Variants in GABRG1 observed in about 807,000 individuals in gnomAD.
GABRG1 encodes gamma-aminobutyric acid receptor subunit gamma-1.
In GABRG1, 49 loss-of-function variants were observed where a neutral mutation model predicts 49.8. The ratio of observed to expected loss-of-function variants is 0.98; its 90% CI spans 0.78 to 1.25. GABRG1 has a LOEUF of 1.25. GABRG1 is among the 50% of genes most tolerant of loss of function. The pLI is 0.00. For synonymous variants in GABRG1, 232 were observed against 185.1 expected (o/e 1.25, Z -2.06); for missense variants, 552 against 552.3 (o/e 1.00, Z 0.01).
At chr4:46,074,762 G>A (rs185460463) in intron 3 of GABRG1, among the ~76,000 whole-genome samples, 217 of 152,140 alleles carry the variant, frequency 1.4e-3, no homozygotes, top group Admixed American at 3.4e-3. Context: ...CATTGAATAA[G>A]GGATAAGGTA....
intron 3 of GABRG1, among the ~76,000 whole-genome samples, chr4:46,066,219 A>C (rs897213630): frequency 2.0e-5 from 3 of 152,212 alleles, no homozygotes; most frequent in Non-Finnish European, 4.4e-5. Flanking sequence ...TTATACATAC[A>C]GTTTAAGTCA....
At chr4:46,096,725 A>T (rs753534396) in intron 2 of GABRG1, among the ~76,000 whole-genome samples, 2 of 151,692 alleles carry the variant, frequency 1.3e-5, no homozygotes, top group Non-Finnish European at 3.0e-5. Context: ...CGTTTAAGCA[A>T]GCATCATACC....
intron 1 of GABRG1, among the ~76,000 whole-genome samples, chr4:46,110,048 T>C (rs1720670031): frequency 6.6e-6 from 1 of 151,056 alleles, no homozygotes; most frequent in African/African-American, 2.4e-5. Context: ...AAGTGTCAAA[T>C]TTAGTTACAG....
chr4:46,121,238 A>T (rs1374323397), intron 1 of GABRG1, among the ~76,000 whole-genome samples: 1 of 151,922 alleles, frequency 6.6e-6, no homozygotes, highest in Non-Finnish European at 1.5e-5. Flanking sequence ...CATATAAAAC[A>T]CTAAAATGCT....
At chr4:46,118,820 A>C (rs1283690753) in intron 1 of GABRG1, among the ~76,000 whole-genome samples, 1 of 151,162 alleles carries the variant, frequency 6.6e-6, no homozygotes, top group Admixed American at 6.6e-5. Flanking sequence ...AAAAAACTAT[A>C]AATTTAATCT....
At chr4:46,122,705 G>A (rs768871357) in intron 1 of GABRG1, among the ~76,000 whole-genome samples, 78 of 152,018 alleles carry the variant, frequency 5.1e-4, no homozygotes, top group Non-Finnish European at 8.8e-4. Context: ...TTACACTTAC[G>A]TTTATAATAA....
At chr4:46,045,847 G>A (rs1396633505) in intron 8 of GABRG1, among the ~76,000 whole-genome samples, 1 of 151,986 alleles carries the variant, frequency 6.6e-6, no homozygotes, top group Non-Finnish European at 1.5e-5. Flanking sequence ...TTACAGGAGT[G>A]AGCCAATACA....
chr4:46,048,980 G>C (rs1718111741), intron 8 of GABRG1, among the ~76,000 whole-genome samples: 1 of 151,886 alleles, frequency 6.6e-6, no homozygotes. Flanking sequence ...TAACAGAATT[G>C]TTGACCTTTC....
rs1333423900 is a variant in GABRG1, at chr4:46,117,608, C to CTATA, written c.104+6201_104+6202insTATA. Among the ~76,000 whole-genome samples, 7 of 137,146 alleles carry CTATA rather than the reference C, an allele frequency of 5.1e-5. No homozygotes were observed. The South Asian group carries it at 1.1e-3, about 21-fold the overall frequency. 90.0% of individuals were successfully genotyped at this position (137,146 alleles called of 152,430 possible). Reference sequence around the variant, plus strand: ...TCTCTCTTTGTCTCTCTCTCTCTCTCTCTCTATATATATATACACATATGT... The same window carrying CTATA: ...TCTCTCTTTGTCTCTCTCTCTCTCTCTATATCTCTATATATATATACACATATGT... On this transcript the variant is annotated intron_variant, in intron 1 of 8. Transcript: ENST00000295452.
chr4:46,088,902 A>G (rs1719882635), intron 2 of GABRG1, among the ~76,000 whole-genome samples: 1 of 151,480 alleles, frequency 6.6e-6, no homozygotes, highest in Non-Finnish European at 1.5e-5. Flanking sequence ...CTCTACTTAA[A>G]TATATGTTTA....
chr4:46,056,858 T>A (rs1718470260), intron 7 of GABRG1, among the ~76,000 whole-genome samples: 1 of 152,136 alleles, frequency 6.6e-6, no homozygotes, highest in Admixed American at 6.6e-5. Context: ...CATCTGGCTG[T>A]GCTTACCTTT....
chr4:46,072,998 A>T (rs1277002226), intron 3 of GABRG1, among the ~76,000 whole-genome samples: 2 of 152,004 alleles, frequency 1.3e-5, no homozygotes, highest in Non-Finnish European at 2.9e-5. Flanking sequence ...ATCTGGCAAA[A>T]GAGTAAAGAA....
intron 1 of GABRG1, among the ~76,000 whole-genome samples, chr4:46,117,578 C>G (rs190130032): frequency 9.1e-5 from 13 of 143,434 alleles, no homozygotes; most frequent in Non-Finnish European, 1.2e-4. Flanking sequence ...CTCTCTCTCT[C>G]TCTGTCTCTC....
intron 5 of GABRG1, among the ~76,000 whole-genome samples, chr4:46,059,366 C>T (rs866051397): frequency 3.0e-4 from 46 of 151,788 alleles, no homozygotes; most frequent in Admixed American, 5.3e-4. Context: ...AATCTTTTTT[C>T]CATAGAGAGT....
chr4:46,097,898 C>T (rs1284412956), intron 1 of GABRG1, among the ~76,000 whole-genome samples: 1 of 151,618 alleles, frequency 6.6e-6, no homozygotes, highest in Non-Finnish European at 1.5e-5. Context: ...GTCGGAAGAA[C>T]CCAGCCATCT....
intron 2 of GABRG1, among the ~76,000 whole-genome samples, chr4:46,085,650 C>T (rs990100092): frequency 1.3e-5 from 2 of 151,380 alleles, no homozygotes; most frequent in Non-Finnish European, 3.0e-5. Context: ...TTTGAAACCA[C>T]GGCTGGTGAT....
At position 46,051,625 on chromosome 4, in the gene GABRG1, A is replaced by T. The variant is rs763592450; in HGVS notation, c.930T>A (p.Val310=). Residue 310 remains valine (V), a synonymous_variant, in exon 8 of 9, where the codon GTT becomes GTA. Transcript: ENST00000295452. The stretch of plus-strand genomic sequence containing the variant: ...TTGTACTCAGGGTTGTCATAGTCAG[A>T]ACTGTAGTGATACCTATAGAGAGAG... ...PARTSLGITT[V]LTMTTLSTIA... 1.2e-6 allele frequency: 2 copies of T among 1,602,904 alleles called. No individual in the cohort carries two copies. Among genetic ancestry groups the T allele is most frequent in the Non-Finnish European group, 1.7e-6 (2 of 1,171,096 alleles).
chr4:46,086,601 G>A (rs941663745), intron 2 of GABRG1, among the ~76,000 whole-genome samples: 2 of 151,342 alleles, frequency 1.3e-5, no homozygotes, highest in Non-Finnish European at 3.0e-5. Flanking sequence ...CCTTAAAAAA[G>A]AGAAATAGTC....
chr4:46,078,884 G>A (rs1332076793), intron 3 of GABRG1, among the ~76,000 whole-genome samples: 1 of 151,760 alleles, frequency 6.6e-6, no homozygotes, highest in African/African-American at 2.4e-5. Flanking sequence ...TCTTGAATTG[G>A]TTACAATTTT....
Sources: gnomAD v4.1 joint callset for allele counts (sites outside exome capture counted in the v4.1 genomes callset) on GRCh38, gnomAD v4.1.1 for gene constraint, MANE v1.5 for transcripts, NCBI Gene and HGNC (gene_info 2026-07-23, HGNC 2026-07-21) for gene names.